GNAQ: variants seen among roughly 807,000 people sequenced by gnomAD.
GNAQ encodes the protein G protein subunit alpha q, also known as guanine nucleotide-binding protein G(q) subunit alpha.
In GNAQ, 8 loss-of-function variants were observed where a neutral mutation model predicts 43.9. The ratio of observed to expected loss-of-function variants is 0.18; its 90% CI spans 0.11 to 0.33. GNAQ has a LOEUF of 0.33. Ranked by LOEUF, GNAQ falls within the 10% of genes least tolerant of loss-of-function variation. The pLI is 1.00. For missense variants in GNAQ, 158 were observed against 450.8 expected, an observed-to-expected ratio of 0.35 and a Z score of 5.88; for synonymous variants, 155 against 170.7, an observed-to-expected ratio of 0.91 and a Z score of 0.71.
At chr9:77,987,553 G>T (rs1237570289) in intron 1 of GNAQ, among the ~76,000 whole-genome samples, 3 of 152,090 alleles carry the variant, frequency 2.0e-5, no homozygotes, top group Non-Finnish European at 4.4e-5. Context: ...CAATCCACCT[G>T]CTTGATCACA....
intron 5 of GNAQ, among the ~76,000 whole-genome samples, chr9:77,746,276 G>A (rs1467061307): frequency 6.6e-6 from 1 of 152,084 alleles, no homozygotes; most frequent in African/African-American, 2.4e-5. Context: ...ATAAGCCAAG[G>A]AAGAAAACAA....
chr9:77,820,087 C>CAAAAAAAAAAAAAAAAAAAAAGA (rs3083136), intron 2 of GNAQ, among the ~76,000 whole-genome samples: 1 of 104,992 alleles, frequency 9.5e-6, no homozygotes, highest in Admixed American at 9.9e-5. Flanking sequence ...ATTTAAAATG[C>CAAAAAAAAAAAAAAAAAAAAAGA]AAAAAAAAAA....
At chr9:77,801,525 T>C (rs1826742420) in intron 3 of GNAQ, among the ~76,000 whole-genome samples, 2 of 152,214 alleles carry the variant, frequency 1.3e-5, no homozygotes, top group Admixed American at 6.5e-5. Context: ...CATAAATTTC[T>C]GGTTAACTTA....
chr9:77,787,970 C>T (rs1826509066), intron 5 of GNAQ, among the ~76,000 whole-genome samples: 1 of 152,088 alleles, frequency 6.6e-6, no homozygotes, highest in South Asian at 2.1e-4. Flanking sequence ...GCAGAGGCTG[C>T]AAGTGAGACA....
chr9:77,755,850 T>C (rs180924707), intron 5 of GNAQ, among the ~76,000 whole-genome samples: 69 of 152,322 alleles, frequency 4.5e-4, no homozygotes, highest in Admixed American at 1.4e-3. Context: ...TTTGTGACGG[T>C]TAATACTGTC....
intron 5 of GNAQ, among the ~76,000 whole-genome samples, chr9:77,779,120 C>T (rs1053310125): frequency 2.0e-5 from 3 of 151,932 alleles, no homozygotes; most frequent in African/African-American, 7.2e-5. Context: ...AATGCACATT[C>T]TTCTCAAGCT....
chr9:77,999,815 A>G (rs1177506388), intron 1 of GNAQ, among the ~76,000 whole-genome samples: 2 of 152,208 alleles, frequency 1.3e-5, no homozygotes, highest in African/African-American at 4.8e-5. Flanking sequence ...ATCACCAAAT[A>G]TGGAAAACTG....
intron 5 of GNAQ, among the ~76,000 whole-genome samples, chr9:77,762,123 G>T (rs1826044091): frequency 7.6e-6 from 1 of 131,492 alleles, no homozygotes; most frequent in South Asian, 2.4e-4. Context: ...GGAGGGAGGT[G>T]GGGGGTCAGC....
intron 5 of GNAQ, among the ~76,000 whole-genome samples, chr9:77,786,732 A>G (rs1017737348): frequency 1.3e-5 from 2 of 152,212 alleles, no homozygotes; most frequent in South Asian, 2.1e-4. Context: ...CATTGCTGAG[A>G]GGGTAAATTT....
intron 2 of GNAQ, among the ~76,000 whole-genome samples, chr9:77,895,564 G>A (rs1828486428): frequency 6.6e-6 from 1 of 152,196 alleles, no homozygotes; most frequent in Non-Finnish European, 1.5e-5. Context: ...GCCCTCAGAA[G>A]AATCCAACAT....
chr9:77,737,028 G>T (rs1238075047), intron 5 of GNAQ, among the ~76,000 whole-genome samples: 1 of 152,206 alleles, frequency 6.6e-6, no homozygotes, highest in African/African-American at 2.4e-5. Flanking sequence ...CTTACATGCA[G>T]TCTATCCTTA....
chr9:77,942,996 T>G (rs1829336261), intron 1 of GNAQ, among the ~76,000 whole-genome samples: 1 of 152,220 alleles, frequency 6.6e-6, no homozygotes, highest in South Asian at 2.1e-4. Flanking sequence ...TGGTTTTCAT[T>G]TATCATTAAA....
intron 2 of GNAQ, among the ~76,000 whole-genome samples, chr9:77,904,739 T>G (rs907819179): frequency 3.3e-5 from 5 of 152,198 alleles, no homozygotes; most frequent in Non-Finnish European, 7.3e-5. Context: ...CCTAACATTC[T>G]TTTCAGTTTC....
chr9:78,004,271 T>A lies in GNAQ; in HGVS notation c.136+26829A>T, dbSNP rs565068969. Among the ~76,000 whole-genome samples the A allele has an allele frequency of 1.6e-4, 23 of 145,712 alleles. No individual in the cohort carries two copies. In the East Asian group the frequency reaches 4.4e-3, roughly 28 times the overall value. ...CAGCCTGGACGACAGAGTAAGACTCTGTCTCAAAAAAAAAAAAAAAAAATT... is the reference window on the plus strand; with the variant it reads ...CAGCCTGGACGACAGAGTAAGACTCAGTCTCAAAAAAAAAAAAAAAAAATT... On this transcript the variant is annotated intron_variant, in intron 1 of 6. Coordinates refer to ENST00000286548, the MANE Select transcript of GNAQ (RefSeq NM_002072.5).
chr9:77,777,510 T>C (rs1826321351), intron 5 of GNAQ, among the ~76,000 whole-genome samples: 1 of 151,972 alleles, frequency 6.6e-6, no homozygotes, highest in South Asian at 2.1e-4. Flanking sequence ...TCACCAAAAT[T>C]AAAAGCCTTT....
In GNAQ at chr9:77,849,748, C is replaced by T. The variant is rs576606415; in HGVS notation, c.322-33978G>A. 3.9e-5 allele frequency among the ~76,000 whole-genome samples: 6 copies of T among 152,260 alleles called. No individual in the cohort carries two copies. The East Asian group carries it at 5.8e-4, about 15-fold the overall frequency. ...GTGGCACAATCATGGCTCACTGCAA[C>T]CTCAACCTCCTAGGCTCAAGCGATC... is the stretch of plus-strand genomic sequence containing the variant. On this transcript the variant is annotated intron_variant, in intron 2 of 6. Coordinates refer to ENST00000286548, the MANE Select transcript of GNAQ (RefSeq NM_002072.5).
chr9:78,017,502 T>C (rs1346557542), intron 1 of GNAQ, among the ~76,000 whole-genome samples: 3 of 152,246 alleles, frequency 2.0e-5, no homozygotes. Context: ...GAAACTTGTA[T>C]GTACATTTCA....
intron 2 of GNAQ, among the ~76,000 whole-genome samples, chr9:77,824,524 G>T (rs541828430): frequency 6.6e-6 from 1 of 152,240 alleles, no homozygotes; most frequent in African/African-American, 2.4e-5. Context: ...ATTTATGTGT[G>T]AGCCATAACT....
chr9:77,988,601 T>A (rs1484555307), intron 1 of GNAQ, among the ~76,000 whole-genome samples: 1 of 152,168 alleles, frequency 6.6e-6, no homozygotes, highest in Non-Finnish European at 1.5e-5. Context: ...CATATTAGGT[T>A]TTCCCCTTAA....
Sources: gnomAD v4.1 joint callset for allele counts (sites outside exome capture counted in the v4.1 genomes callset) on GRCh38, gnomAD v4.1.1 for gene constraint, MANE v1.5 for transcripts, NCBI Gene and HGNC (gene_info 2026-07-23, HGNC 2026-07-21) for gene names.